PUS10: variants seen among roughly 807,000 people sequenced by gnomAD.
PUS10 encodes tRNA pseudouridine synthase Pus10.
PUS10 carries 59 observed loss-of-function variants against 75.0 expected under a neutral mutation model. That is an observed-to-expected ratio of 0.79 (90% CI 0.64 to 0.98). The LOEUF is 0.98. Ranked by LOEUF, PUS10 falls within the 50% of genes least tolerant of loss-of-function variation. PUS10 has a pLI of 0.00. For missense variants in PUS10, 650 were observed against 614.4 expected (o/e 1.06, Z -0.61); for synonymous variants, 219 against 211.6 (o/e 1.03, Z -0.30).
intron 11 of PUS10, among the ~76,000 whole-genome samples, chr2:60,956,093 A>T (rs71420379): frequency 0.15 from 20,872 of 141,738 alleles, 1,825 homozygotes; most frequent in Middle Eastern, 0.27. Context: ...GGAGAAAATT[A>T]AAAAAAAAAA....
chr2:60,960,643 T>C, intron 10 of PUS10, 126 bp from the exon 11 acceptor site: 2 of 768,186 alleles, frequency 2.6e-6, no homozygotes, highest in South Asian at 2.2e-5. Flanking sequence ...GCCTATCCTT[T>C]ACCTAACTAA....
chr2:60,940,618 A>G lies in PUS10; in HGVS notation c.*1777T>C, dbSNP rs1674581107. Reference sequence around the variant, plus strand: ...ATAATCTCAGGAATAGAAATTTAAGAAATAGAAATCTTCTCATTTCAGTTT... The same window carrying G: ...ATAATCTCAGGAATAGAAATTTAAGGAATAGAAATCTTCTCATTTCAGTTT... On this transcript the variant is annotated 3_prime_UTR_variant, in exon 18 of 18. Coordinates refer to ENST00000316752, the MANE Select transcript of PUS10 (RefSeq NM_144709.4). 2 of 152,344 alleles carry G rather than the reference A, an allele frequency of 1.3e-5. No individual in the cohort carries two copies. Among genetic ancestry groups the G allele is most frequent in the Non-Finnish European group, 2.9e-5 (2 of 68,022 alleles). 9.4% of individuals were successfully genotyped at this position (152,344 alleles called of 1,614,324 possible). A position where few individuals can be genotyped will look rare whatever the true frequency, so the allele number is the denominator to read the frequency against.
chr2:60,953,810 C>A, intron 14 of PUS10, 123 bp downstream of exon 14: 1 of 720,236 alleles, frequency 1.4e-6, no homozygotes, highest in South Asian at 1.7e-5. Context: ...TTAATCATTT[C>A]CCCATTTGTA....
chr2:60,988,831 G>A (rs1408198868), intron 4 of PUS10, among the ~76,000 whole-genome samples: 3 of 150,256 alleles, frequency 2.0e-5, no homozygotes, highest in Non-Finnish European at 3.0e-5. Flanking sequence ...TAGTAGAGAC[G>A]GGGTTTTGCC....
intron 4 of PUS10, among the ~76,000 whole-genome samples, chr2:60,990,161 G>C (rs1455671964): frequency 1.3e-5 from 2 of 151,298 alleles, no homozygotes; most frequent in Admixed American, 1.3e-4. Context: ...CGCACGCACG[G>C]GAAAAAAAAC....
At chr2:60,958,115 T>A (rs1675794587) in intron 11 of PUS10, among the ~76,000 whole-genome samples, 1 of 152,196 alleles carries the variant, frequency 6.6e-6, no homozygotes, top group Non-Finnish European at 1.5e-5. Flanking sequence ...CCACCACTCA[T>A]CCGCCCACTC....
At chr2:60,964,919 G>T in intron 8 of PUS10, 139 bp downstream of exon 8, 1 of 788,190 alleles carries the variant, frequency 1.3e-6, no homozygotes, top group Non-Finnish European at 2.1e-6. Flanking sequence ...AATTAATGTA[G>T]CAAATGGAAA....
intron 4 of PUS10, among the ~76,000 whole-genome samples, chr2:60,993,386 GGT>G (rs1678239121): frequency 1.3e-5 from 2 of 152,204 alleles, no homozygotes; most frequent in South Asian, 4.1e-4. Context: ...GAACCCGTGA[GGT>G]GGACGTTGCA....
At chr2:60,996,531 C>T (rs10195800) in intron 4 of PUS10, among the ~76,000 whole-genome samples, 27,593 of 151,488 alleles carry the variant, frequency 0.18, 2,746 homozygotes, top group Middle Eastern at 0.33. Flanking sequence ...GTAATATCCA[C>T]GGAGCCAAGG....
intron 4 of PUS10, among the ~76,000 whole-genome samples, chr2:60,994,915 C>A (rs1244607979): frequency 6.6e-6 from 1 of 152,132 alleles, no homozygotes; most frequent in East Asian, 1.9e-4. Flanking sequence ...AAGGCAAAAC[C>A]CTGTCTCTAC....
intron 4 of PUS10, among the ~76,000 whole-genome samples, chr2:60,996,645 T>G (rs756715349): frequency 6.7e-6 from 1 of 149,412 alleles, no homozygotes; most frequent in African/African-American, 2.5e-5. Context: ...CAGGGAGGCA[T>G]ATCCAGATTC....
intron 1 of PUS10, among the ~76,000 whole-genome samples, chr2:61,012,692 G>C (rs1448449972): frequency 1.3e-5 from 2 of 149,204 alleles, no homozygotes; most frequent in Non-Finnish European, 3.0e-5. Context: ...AAATTTGCCG[G>C]GCATGGTGGC....
chr2:61,006,640 A>G lies in PUS10; in HGVS notation c.385T>C (p.Cys129Arg), dbSNP rs767987538. 1.1e-5 allele frequency: 18 copies of G among 1,610,798 alleles called. No homozygotes were observed. The highest frequency in any genetic ancestry group is 2.7e-5 in the African/African-American group (2 of 74,794). ...AACCCAGAGGCCTCAACCTTTTGGC[A>G]CACCTGAAAAAGCATTACAATTATG... ...FCEKDFIKKV[C>R]QKVEASGFEF... Residue 129 changes from cysteine (C) to arginine (R), a missense_variant, in exon 4 of 18, where the codon TGC becomes CGC. By Grantham distance (180) the Cys-to-Arg change is radical (BLOSUM62 -3). Coordinates refer to ENST00000316752, the MANE Select transcript of PUS10 (RefSeq NM_144709.4).
At chr2:61,013,368 G>A (rs1318948087) in intron 1 of PUS10, among the ~76,000 whole-genome samples, 1 of 152,138 alleles carries the variant, frequency 6.6e-6, no homozygotes, top group Non-Finnish European at 1.5e-5. Context: ...CACCCAGAAG[G>A]AAGGAATGCA....
chr2:60,983,297 A>AGT (rs1357729615), intron 4 of PUS10, among the ~76,000 whole-genome samples: 2 of 152,252 alleles, frequency 1.3e-5, no homozygotes, highest in Admixed American at 6.5e-5. Flanking sequence ...TACAAAATAG[A>AGT]TAAAAGGAGA....
intron 4 of PUS10, among the ~76,000 whole-genome samples, chr2:61,001,425 C>T (rs192018161): frequency 1.8e-4 from 28 of 152,136 alleles, no homozygotes; most frequent in African/African-American, 6.0e-4. Context: ...TACAGGTGCA[C>T]ACCACCACAC....
intron 1 of PUS10, among the ~76,000 whole-genome samples, chr2:61,016,432 T>C (rs1039570371): frequency 2.0e-5 from 3 of 152,206 alleles, no homozygotes; most frequent in Non-Finnish European, 4.4e-5. Flanking sequence ...AATGCCAGGA[T>C]TTCATAAGAT....
At position 60,948,286 on chromosome 2, in the gene PUS10, T is replaced by C; in HGVS notation, c.1309-101A>G. The stretch of plus-strand genomic sequence containing the variant: ...ACCATCCATAGCTCACCACAGATGC[T>C]TCCTTGAGAGAACTAAAATGAATTG... On this transcript the variant is annotated intron_variant, in intron 15 of 17. Coordinates refer to ENST00000316752, the MANE Select transcript of PUS10 (RefSeq NM_144709.4). 4 of 1,129,664 alleles carry C rather than the reference T, an allele frequency of 3.5e-6. No individual in the cohort carries two copies. The South Asian group carries it at 4.0e-5, about 11-fold the overall frequency. 70.0% of individuals were successfully genotyped at this position (1,129,664 alleles called of 1,614,324 possible). A position where few individuals can be genotyped will look rare whatever the true frequency, so the allele number is the denominator to read the frequency against.
At chr2:60,950,089 C>T (rs976754861) in intron 15 of PUS10, among the ~76,000 whole-genome samples, 2 of 152,186 alleles carry the variant, frequency 1.3e-5, no homozygotes, top group African/African-American at 4.8e-5. Flanking sequence ...TATATTATAA[C>T]TACCATCCAA....
Sources: allele counts gnomAD v4.1 joint callset (sites outside exome capture counted in the v4.1 genomes callset), GRCh38; gene constraint gnomAD v4.1.1; transcripts MANE v1.5; gene names NCBI Gene and HGNC (gene_info 2026-07-23, HGNC 2026-07-21).